The following ENOX1 variants were observed in gnomAD, a reference collection of about 807,000 sequenced individuals.
The protein encoded by ENOX1 is ecto-NOX disulfide-thiol exchanger 1.
Under a neutral mutation model 82.5 loss-of-function variants are expected in ENOX1, and 42 were observed. The ratio of observed to expected loss-of-function variants is 0.51; its 90% CI spans 0.40 to 0.66. The LOEUF (loss-of-function observed/expected upper bound fraction) is 0.66. ENOX1 is among the 30% of genes least tolerant of loss of function. The pLI, the probability that ENOX1 is intolerant of heterozygous loss-of-function variation, is 0.00. For synonymous variants in ENOX1, 271 were observed against 282.2 expected (o/e 0.96, Z 0.40); for missense variants, 608 against 811.6 (o/e 0.75, Z 3.05).
intron 1 of ENOX1, among the ~76,000 whole-genome samples, chr13:43,686,431 T>A (rs1398300376): frequency 1.3e-5 from 2 of 152,022 alleles, no homozygotes; most frequent in African/African-American, 2.4e-5. Context: ...AGAAAAAAAA[T>A]GCAGGAGTTC....
chr13:43,444,188 A>G (rs1355199492), intron 3 of ENOX1, among the ~76,000 whole-genome samples: 1 of 152,244 alleles, frequency 6.6e-6, no homozygotes, highest in Non-Finnish European at 1.5e-5. Flanking sequence ...TGCTTAAAAC[A>G]TAAGCCTTAA....
intron 5 of ENOX1, among the ~76,000 whole-genome samples, chr13:43,371,293 A>G (rs999433599): frequency 6.6e-6 from 1 of 152,196 alleles, no homozygotes; most frequent in Non-Finnish European, 1.5e-5. Flanking sequence ...AGAAGTCGCT[A>G]ATTTTTATAC....
intron 1 of ENOX1, among the ~76,000 whole-genome samples, chr13:43,783,948 G>C (rs147401228): frequency 2.0e-5 from 3 of 152,344 alleles, no homozygotes; most frequent in African/African-American, 4.8e-5. Context: ...GTGAGTATCA[G>C]GATGTGGAAG....
At chr13:43,764,327 C>T (rs958330671) in intron 1 of ENOX1, among the ~76,000 whole-genome samples, 1 of 152,170 alleles carries the variant, frequency 6.6e-6, no homozygotes, top group Non-Finnish European at 1.5e-5. Flanking sequence ...TGAAAGAAAA[C>T]TCTGCTTGAA....
At chr13:43,655,880 T>G (rs2084409479) in intron 2 of ENOX1, among the ~76,000 whole-genome samples, 1 of 152,156 alleles carries the variant, frequency 6.6e-6, no homozygotes, top group Admixed American at 6.5e-5. Context: ...TCCAAATAAC[T>G]AGTTCACCAT....
chr13:43,641,694 G>A (rs921253275), intron 2 of ENOX1, among the ~76,000 whole-genome samples: 5 of 151,528 alleles, frequency 3.3e-5, no homozygotes, highest in South Asian at 2.1e-4. Flanking sequence ...CACCATGTCC[G>A]GCTAATTTTT....
intron 1 of ENOX1, among the ~76,000 whole-genome samples, chr13:43,721,949 AT>A (rs1406097424): frequency 2.6e-4 from 40 of 152,192 alleles, no homozygotes; most frequent in African/African-American, 9.4e-4. Context: ...TAGGAAGACA[AT>A]AACCCTGCTC....
At chr13:43,783,841 T>TA (rs1952416505) in intron 1 of ENOX1, among the ~76,000 whole-genome samples, 1 of 152,138 alleles carries the variant, frequency 6.6e-6, no homozygotes, top group Non-Finnish European at 1.5e-5. Flanking sequence ...TAATATTCCT[T>TA]AAAAAACATC....
intron 2 of ENOX1, among the ~76,000 whole-genome samples, chr13:43,623,237 C>T (rs1177537554): frequency 1.3e-5 from 2 of 152,148 alleles, no homozygotes; most frequent in Non-Finnish European, 2.9e-5. Flanking sequence ...GGAGTCTGCA[C>T]ACCGGATTTG....
chr13:43,684,975 T>C (rs1181728623), intron 1 of ENOX1, among the ~76,000 whole-genome samples: 3 of 152,326 alleles, frequency 2.0e-5, no homozygotes, highest in South Asian at 2.1e-4. Flanking sequence ...GTATTTAGAA[T>C]GTCTCTTTAG....
chr13:43,623,915 G>A (rs7989457), intron 2 of ENOX1, among the ~76,000 whole-genome samples: 5,421 of 152,168 alleles, frequency 0.036, 299 homozygotes, highest in African/African-American at 0.12. Flanking sequence ...TTGTGTAAAT[G>A]TAAGTATTCA....
intron 2 of ENOX1, among the ~76,000 whole-genome samples, chr13:43,627,824 T>G (rs1296726675): frequency 6.6e-6 from 1 of 152,070 alleles, no homozygotes; most frequent in East Asian, 1.9e-4. Flanking sequence ...CCCTTCGTCT[T>G]CCTTATCCTG....
chr13:43,785,681 G>A (rs112176473), intron 1 of ENOX1, among the ~76,000 whole-genome samples: 1 of 152,194 alleles, frequency 6.6e-6, no homozygotes, highest in African/African-American at 2.4e-5. Flanking sequence ...ATTCCACAGA[G>A]CTGGGCTTGC....
intron 2 of ENOX1, among the ~76,000 whole-genome samples, chr13:43,541,870 A>G (rs1342593891): frequency 1.3e-5 from 2 of 152,192 alleles, no homozygotes; most frequent in African/African-American, 4.8e-5. Context: ...AAAAAGATAA[A>G]GTTTCTAATG....
chr13:43,466,707 T>C lies in ENOX1; in HGVS notation c.-75+17302A>G, dbSNP rs2153642106. ...GTACAGTTCAATGCTTTCTAGTACATTCACAAAGTTGTGTGACCATTCTTC... is the reference window on the plus strand; with the variant it reads ...GTACAGTTCAATGCTTTCTAGTACACTCACAAAGTTGTGTGACCATTCTTC... On this transcript the variant is annotated intron_variant, in intron 3 of 16. Coordinates refer to ENST00000690772, the MANE Select transcript of ENOX1 (RefSeq NM_001347969.2). 3.3e-5 allele frequency among the ~76,000 whole-genome samples: 5 copies of C among 152,316 alleles called. No homozygotes were observed. The South Asian group carries it at 1.0e-3, about 32-fold the overall frequency.
At chr13:43,545,191 A>G (rs1373436721) in intron 2 of ENOX1, 1 of 152,212 alleles carries the variant, frequency 6.6e-6, no homozygotes, top group Non-Finnish European at 1.5e-5. Flanking sequence ...TATCATTAAA[A>G]CAATGTGTCT....
chr13:43,657,387 A>G (rs1366155871), intron 2 of ENOX1, among the ~76,000 whole-genome samples: 1 of 152,194 alleles, frequency 6.6e-6, no homozygotes, highest in African/African-American at 2.4e-5. Context: ...CAGGTATGCA[A>G]TGAGGTATGG....
intron 5 of ENOX1, among the ~76,000 whole-genome samples, chr13:43,384,257 T>A (rs2052261879): frequency 6.6e-6 from 1 of 152,186 alleles, no homozygotes; most frequent in African/African-American, 2.4e-5. Flanking sequence ...AGAGAATGAA[T>A]GACAGCAGCT....
chr13:43,596,936 G>A (rs532577374), intron 2 of ENOX1, among the ~76,000 whole-genome samples: 10 of 152,234 alleles, frequency 6.6e-5, no homozygotes, highest in East Asian at 1.9e-4. Context: ...GTTCTCACAC[G>A]GCTCTAAAGA....
Sources: allele counts gnomAD v4.1 joint callset (sites outside exome capture counted in the v4.1 genomes callset), GRCh38; gene constraint gnomAD v4.1.1; transcripts MANE v1.5; gene names NCBI Gene and HGNC (gene_info 2026-07-23, HGNC 2026-07-21).